Variants in KIF14 observed in about 807,000 individuals in gnomAD.
KIF14 encodes kinesin-like protein KIF14.
KIF14 carries 98 observed loss-of-function variants against 176.2 expected under a neutral mutation model. The observed-to-expected ratio is 0.56, with a 90% CI of 0.47 to 0.66. The LOEUF (loss-of-function observed/expected upper bound fraction) is 0.66, where lower values mean the gene tolerates loss of function less well. Among genes scored for constraint, KIF14 ranks in the 30% least tolerant of loss-of-function variants. The probability of loss-of-function intolerance (pLI) is 0.00; values close to 1 mark genes in which losing one functional copy is unlikely to be tolerated. For synonymous variants in KIF14, 566 were observed against 632.2 expected, an observed-to-expected ratio of 0.90 and a Z score of 1.57; for missense variants, 1,751 against 1,920.4, an observed-to-expected ratio of 0.91 and a Z score of 1.65.
intron 12 of KIF14, 98 bp from the exon 13 acceptor site, chr1:200,600,211 A>T: frequency 8.6e-7 from 1 of 1,162,090 alleles, no homozygotes; most frequent in Non-Finnish European, 1.3e-6. Flanking sequence ...ACTACCTAGT[A>T]ATATTTAAAA....
At chr1:200,578,504 C>A (rs1478202088) in intron 21 of KIF14, among the ~76,000 whole-genome samples, 1 of 151,432 alleles carries the variant, frequency 6.6e-6, no homozygotes, top group Admixed American at 6.6e-5. Context: ...ATAATATGAA[C>A]TTTAAACTTT....
At chr1:200,607,709 C>T (rs1659949883) in intron 5 of KIF14, among the ~76,000 whole-genome samples, 1 of 151,796 alleles carries the variant, frequency 6.6e-6, no homozygotes, top group Admixed American at 6.6e-5. Context: ...AGCTGACTTC[C>T]TTTTTTTTCT....
At chr1:200,579,915 G>C (rs1380528750) in intron 21 of KIF14, among the ~76,000 whole-genome samples, 2 of 152,028 alleles carry the variant, frequency 1.3e-5, no homozygotes, top group East Asian at 3.9e-4. Flanking sequence ...GATGTAATAT[G>C]ATTTATGTCT....
intron 21 of KIF14, among the ~76,000 whole-genome samples, 164 bp from the exon 22 acceptor site, chr1:200,575,855 A>G (rs934482823): frequency 6.6e-6 from 1 of 152,206 alleles, no homozygotes; most frequent in Non-Finnish European, 1.5e-5. Context: ...ATTAAAAGTC[A>G]ATCACACGAT....
intron 27 of KIF14, among the ~76,000 whole-genome samples, chr1:200,556,855 G>C (rs947214014): frequency 6.6e-6 from 1 of 152,212 alleles, no homozygotes; most frequent in Middle Eastern, 3.2e-3. Context: ...TGGTCTGAAT[G>C]AGCCTTTGAC....
intron 20 of KIF14, 130 bp from the exon 21 acceptor site, chr1:200,580,513 T>C (rs141051330): frequency 1.4e-4 from 59 of 414,074 alleles, no homozygotes; most frequent in Non-Finnish European, 2.2e-4. Context: ...CAGTTAAGTA[T>C]TTTTATTATA....
At chr1:200,590,452 A>C (rs955775850) in intron 16 of KIF14, among the ~76,000 whole-genome samples, 180 bp from the exon 17 acceptor site, 2 of 152,238 alleles carry the variant, frequency 1.3e-5, no homozygotes, top group African/African-American at 2.4e-5. Flanking sequence ...GTTTACACTC[A>C]AAATTTAAAC....
chr1:200,560,061 C>T (rs1409334420), intron 26 of KIF14, among the ~76,000 whole-genome samples: 1 of 151,878 alleles, frequency 6.6e-6, no homozygotes, highest in East Asian at 1.9e-4. Flanking sequence ...AGCCAGAACA[C>T]AGCAACATTC....
At chr1:200,572,328 C>T (rs1301959232) in intron 22 of KIF14, among the ~76,000 whole-genome samples, 1 of 152,096 alleles carries the variant, frequency 6.6e-6, no homozygotes, top group Non-Finnish European at 1.5e-5. Context: ...ATGTAAATTA[C>T]CAACATCTAG....
chr1:200,602,137 C>T (rs1659658873), intron 10 of KIF14, 69 bp from the exon 11 acceptor site: 1 of 1,313,402 alleles, frequency 7.6e-7, no homozygotes, highest in African/African-American at 1.5e-5. Context: ...CTAGAAAGCA[C>T]AAAACAAACT....
chr1:200,563,437 T>C (rs1450080997), intron 25 of KIF14, among the ~76,000 whole-genome samples: 2 of 152,160 alleles, frequency 1.3e-5, no homozygotes, highest in African/African-American at 2.4e-5. Context: ...CAATCATGGC[T>C]CACTGTAGCT....
Position 200,593,730 on chromosome 1 carries a change from T to G in KIF14, c.2589A>C (p.Pro863=). 6.2e-7 allele frequency: 1 copy of G among 1,612,790 alleles called. No homozygotes were observed. Among genetic ancestry groups the G allele is most frequent in the Non-Finnish European group, 8.5e-7 (1 of 1,179,138 alleles). The change falls in exon 15 of 30, where the codon CCA becomes CCC. Residue 863 remains proline (P), a synonymous_variant. Coordinates refer to ENST00000367350, the MANE Select transcript of KIF14 (RefSeq NM_014875.3). ...TTACATATGTCTTTGCTTCCCCAAC[T>G]GGGATAATACTCACTGTCCCACCAA... is the stretch of plus-strand genomic sequence containing the variant. ...KNFGGTVSII[P]VGEAKTYVNG... is the part of the protein sequence containing the mutation.
chr1:200,607,803 C>A (rs962063818), intron 5 of KIF14, among the ~76,000 whole-genome samples: 1 of 152,068 alleles, frequency 6.6e-6, no homozygotes, highest in Middle Eastern at 3.2e-3. Flanking sequence ...CGGGTTCAAG[C>A]GATTCTCCTG....
At chr1:200,604,566 T>C (rs536951705) in intron 8 of KIF14, among the ~76,000 whole-genome samples, 47 of 152,162 alleles carry the variant, frequency 3.1e-4, no homozygotes, top group Non-Finnish European at 4.6e-4. Context: ...ACAAAGATGT[T>C]GCTTATCCCA....
intron 22 of KIF14, among the ~76,000 whole-genome samples, chr1:200,573,427 CTTTTTTTT>C (rs869174532): frequency 3.9e-5 from 3 of 77,760 alleles, no homozygotes; most frequent in African/African-American, 1.1e-4. Context: ...GAGCTCATTT[CTTTTTTTT>C]TTTTTTTTTT....
chr1:200,594,098 G>C (rs902148882), intron 14 of KIF14, among the ~76,000 whole-genome samples: 12 of 151,394 alleles, frequency 7.9e-5, no homozygotes, highest in Non-Finnish European at 1.3e-4. Context: ...GCCCTGCCCA[G>C]CTAATGTTTG....
At chr1:200,603,145 T>C (rs1023721020) in intron 10 of KIF14, 81 bp downstream of exon 10, 5 of 813,464 alleles carry the variant, frequency 6.1e-6, no homozygotes, top group African/African-American at 3.4e-5. Flanking sequence ...ATCCCAAAGT[T>C]AATGAAGTCA....
At position 200,601,954 on chromosome 1, in the gene KIF14, G is replaced by A. The variant is rs746449492; in HGVS notation, c.2094C>T (p.Ala698=). 5.6e-6 allele frequency: 9 copies of A among 1,613,330 alleles called. No individual in the cohort carries two copies. The Middle Eastern group carries it at 6.6e-4, about 118-fold the overall frequency. The change falls in exon 11 of 30, where the codon GCC becomes GCT. Residue 698 remains alanine, a synonymous_variant. Transcript: ENST00000367350. ...CTTTAGCAATGTTGACTATTAAACG[G>A]GCTTGGTTAGCATATCTAAGTGTGC... ...TLSTLRYANQ[A]RLIVNIAKVN... is the part of the protein sequence containing the mutation.
Position 200,598,315 on chromosome 1 carries a change from G to C in KIF14, c.2471C>G (p.Thr824Arg), listed in dbSNP as rs937705046. 6.2e-7 allele frequency: 1 copy of C among 1,613,102 alleles called. No individual in the cohort carries two copies. Among genetic ancestry groups the C allele is most frequent in the Non-Finnish European group, 8.5e-7 (1 of 1,179,660 alleles). The change falls in exon 14 of 30, where the codon ACA becomes AGA. Residue 824 changes from threonine to arginine, a missense_variant. Thr to Arg is a moderately conservative substitution (Grantham distance 71). Transcript: ENST00000367350. ...TGGTTTATACTTTCCAACTGTAGTT[G>C]TTCCTTCTTTTATCATATATAGCAG... The part of the protein sequence containing the change: ...EMLLYMIKEG[T>R]TTVGKYKPNS...
Sources: allele counts gnomAD v4.1 joint callset (sites outside exome capture counted in the v4.1 genomes callset), GRCh38; gene constraint gnomAD v4.1.1; transcripts MANE v1.5; gene names NCBI Gene and HGNC (gene_info 2026-07-23, HGNC 2026-07-21).